The following GRIN2A variants were observed in gnomAD, a reference collection of about 807,000 sequenced individuals.
GRIN2A encodes the protein glutamate receptor ionotropic, NMDA 2A.
GRIN2A carries 22 observed loss-of-function variants against 113.4 expected under a neutral mutation model. The observed-to-expected ratio is 0.19, with a 90% confidence interval of 0.14 to 0.28. GRIN2A has a LOEUF of 0.28. Among genes scored for constraint, GRIN2A ranks in the 10% least tolerant of loss-of-function variants. The pLI is 1.00. For synonymous variants in GRIN2A, 827 were observed against 738.4 expected (o/e 1.12, Z -1.94); for missense variants, 1,502 against 1,887.0 (o/e 0.80, Z 3.78).
intron 2 of GRIN2A, among the ~76,000 whole-genome samples, chr16:9,942,653 A>T (rs1274855172): frequency 6.6e-6 from 1 of 152,162 alleles, no homozygotes; most frequent in Admixed American, 6.5e-5. Flanking sequence ...AGGTCCACTG[A>T]CATGCTGGTT....
At chr16:9,964,033 C>A (rs1357905008) in intron 2 of GRIN2A, among the ~76,000 whole-genome samples, 1 of 152,166 alleles carries the variant, frequency 6.6e-6, no homozygotes, top group Non-Finnish European at 1.5e-5. Context: ...TGATGCACAG[C>A]AGGAAGGGGC....
At chr16:10,080,449 C>T (rs1051041197) in intron 2 of GRIN2A, among the ~76,000 whole-genome samples, 13 of 152,146 alleles carry the variant, frequency 8.5e-5, no homozygotes, top group East Asian at 3.9e-4. Flanking sequence ...ATCTGCACCC[C>T]GTTACCTAAG....
chr16:9,998,692 T>C (rs3859125), intron 2 of GRIN2A, among the ~76,000 whole-genome samples: 28,937 of 152,102 alleles, frequency 0.19, 3,001 homozygotes, highest in East Asian at 0.35. Context: ...TATCTCTATG[T>C]ATCTTTCTCA....
In GRIN2A at chr16:9,816,057, T is replaced by C. The variant is rs147363451; in HGVS notation, c.2168+6207A>G. ...CACTTAGATGAGGTACTTAGAGCAG[T>C]CAAAATCATAAAGACAAAAAGTAGA... is the stretch of plus-strand genomic sequence containing the variant. On this transcript the variant is annotated intron_variant, in intron 10 of 12. Transcript: ENST00000330684. Among the ~76,000 whole-genome samples, 259 of 152,266 alleles carry C rather than the reference T, an allele frequency of 1.7e-3. 1 individual carries two copies. The highest frequency in any genetic ancestry group is 5.9e-3 in the African/African-American group (247 of 41,566).
chr16:9,852,656 C>T (rs2042904826), intron 4 of GRIN2A, among the ~76,000 whole-genome samples: 1 of 152,144 alleles, frequency 6.6e-6, no homozygotes, highest in Non-Finnish European at 1.5e-5. Context: ...GCCCTAGGTC[C>T]CAAGAGCTCT....
intron 2 of GRIN2A, among the ~76,000 whole-genome samples, chr16:10,034,229 C>T (rs568568603): frequency 1.1e-4 from 17 of 152,018 alleles, no homozygotes; most frequent in Admixed American, 9.8e-4. Flanking sequence ...CAACTTGGGG[C>T]AAAACTGGCT....
chr16:9,994,400 C>T (rs1290007608), intron 2 of GRIN2A, among the ~76,000 whole-genome samples: 2 of 152,104 alleles, frequency 1.3e-5, no homozygotes, highest in Non-Finnish European at 2.9e-5. Flanking sequence ...TGGAGCCCTC[C>T]TCGTCCCCAG....
intron 10 of GRIN2A, among the ~76,000 whole-genome samples, chr16:9,818,743 T>A (rs1414680523): frequency 6.6e-6 from 1 of 152,234 alleles, no homozygotes; most frequent in Non-Finnish European, 1.5e-5. Flanking sequence ...TTTGAAAGAT[T>A]AATTACACAT....
rs188012990 is a variant in GRIN2A, at chr16:9,895,669, A to C, written c.1008-4569T>G. Among the ~76,000 whole-genome samples the C allele has an allele frequency of 1.6e-3, 241 of 152,354 alleles. 2 individuals carry two copies. The highest frequency in any genetic ancestry group is 2.1e-4 in the Non-Finnish European group (14 of 68,036). ...GCAACTGCAATGGAATTTCAGTACA[A>C]AAACTACCGACAAAGACCACCAATG... On this transcript the variant is annotated intron_variant, in intron 3 of 12. Coordinates refer to ENST00000330684, the MANE Select transcript of GRIN2A (RefSeq NM_001134407.3).
chr16:10,114,872 T>C (rs1214751231), intron 2 of GRIN2A, among the ~76,000 whole-genome samples: 1 of 152,252 alleles, frequency 6.6e-6, no homozygotes, highest in Non-Finnish European at 1.5e-5. Flanking sequence ...GTTTTAAAAA[T>C]TTTTTGTTTA....
At chr16:10,002,519 C>T (rs890045508) in intron 2 of GRIN2A, among the ~76,000 whole-genome samples, 3 of 152,174 alleles carry the variant, frequency 2.0e-5, no homozygotes, top group African/African-American at 7.2e-5. Context: ...TCAGTGTAGT[C>T]ATCTATAGGT....
intron 11 of GRIN2A, among the ~76,000 whole-genome samples, chr16:9,793,328 C>T (rs1385670923): frequency 1.3e-5 from 2 of 151,978 alleles, no homozygotes; most frequent in African/African-American, 4.8e-5. Context: ...TTGTTCTGGC[C>T]CCCAGATATG....
intron 2 of GRIN2A, among the ~76,000 whole-genome samples, chr16:10,109,984 C>G (rs894177255): frequency 2.0e-5 from 3 of 152,038 alleles, no homozygotes; most frequent in African/African-American, 4.8e-5. Context: ...ATGTGCCATG[C>G]TGGTGTGCTG....
At chr16:9,867,370 G>T (rs1196385635) in intron 4 of GRIN2A, among the ~76,000 whole-genome samples, 2 of 152,066 alleles carry the variant, frequency 1.3e-5, no homozygotes, top group Non-Finnish European at 2.9e-5. Context: ...GCCAGCTCCA[G>T]CCCCACTCCC....
At chr16:10,122,147 C>A (rs149825722) in intron 2 of GRIN2A, among the ~76,000 whole-genome samples, 52 of 152,254 alleles carry the variant, frequency 3.4e-4, no homozygotes, top group African/African-American at 1.1e-3. Context: ...CAGCTGCACC[C>A]ATATTCAAGA....
At chr16:10,143,943 G>T (rs1223262873) in intron 2 of GRIN2A, among the ~76,000 whole-genome samples, 1 of 152,074 alleles carries the variant, frequency 6.6e-6, no homozygotes. Context: ...TCCAGCCTGG[G>T]CAACAGAGTG....
intron 2 of GRIN2A, among the ~76,000 whole-genome samples, chr16:10,177,333 G>A (rs1027088190): frequency 1.3e-5 from 2 of 152,042 alleles, no homozygotes; most frequent in Non-Finnish European, 2.9e-5. Context: ...CGTTCCACAT[G>A]GGGACCAGAC....
At chr16:9,926,919 C>G (rs1466383398) in intron 3 of GRIN2A, among the ~76,000 whole-genome samples, 12 of 83,482 alleles carry the variant, frequency 1.4e-4, no homozygotes, top group Non-Finnish European at 2.4e-4. Flanking sequence ...AGGAAAAACA[C>G]TCTAAGTTTA....
chr16:9,949,354 A>C (rs1213375508), intron 2 of GRIN2A, among the ~76,000 whole-genome samples: 3 of 151,544 alleles, frequency 2.0e-5, no homozygotes, highest in African/African-American at 7.3e-5. Flanking sequence ...AATAGATTGG[A>C]TGGATAGATG....
Sources: gnomAD v4.1 joint callset for allele counts (sites outside exome capture counted in the v4.1 genomes callset) on GRCh38, gnomAD v4.1.1 for gene constraint, MANE v1.5 for transcripts, NCBI Gene and HGNC (gene_info 2026-07-23, HGNC 2026-07-21) for gene names.